The following MTAP variants were observed in gnomAD, a reference collection of about 807,000 sequenced individuals.
MTAP encodes the protein methylthioadenosine phosphorylase.
MTAP carries 33 observed loss-of-function variants against 33.6 expected under a neutral mutation model. That is an observed-to-expected ratio of 0.98 (90% confidence interval 0.74 to 1.31). MTAP has a LOEUF of 1.31. Ranked by LOEUF, MTAP falls within the 40% of genes most tolerant of loss-of-function variation. The pLI, the probability that MTAP is intolerant of heterozygous loss-of-function variation, is 0.00. For missense variants in MTAP, 367 were observed against 360.0 expected, an observed-to-expected ratio of 1.02 and a Z score of -0.16; for synonymous variants, 148 against 125.7, an observed-to-expected ratio of 1.18 and a Z score of -1.19.
chr9:21,832,875 T>A (rs1825008877), intron 4 of MTAP, among the ~76,000 whole-genome samples: 1 of 152,244 alleles, frequency 6.6e-6, no homozygotes, highest in African/African-American at 2.4e-5. Context: ...ATCACAGCTC[T>A]AGAAGACATC....
At chr9:21,939,260 T>C (rs1415046142), downstream of MTAP, among the ~76,000 whole-genome samples, 5 of 152,242 alleles carry the variant, frequency 3.3e-5, no homozygotes. Context: ...GTCTCTGGTA[T>C]GTCTTTATCA....
chr9:21,914,938 C>T (rs1369790076), intron 1 of MTAP, among the ~76,000 whole-genome samples: 1 of 151,454 alleles, frequency 6.6e-6, no homozygotes, highest in Non-Finnish European at 1.5e-5. Context: ...CTGGCTTCTT[C>T]CATCTGACAT....
intron 4 of MTAP, among the ~76,000 whole-genome samples, chr9:21,831,018 T>C (rs536653431): frequency 6.6e-6 from 1 of 152,354 alleles, no homozygotes; most frequent in South Asian, 2.1e-4. Context: ...ATTCAAGTCA[T>C]GAGGCATTTT....
At chr9:21,857,986 T>C (rs1007151935) in intron 6 of MTAP, among the ~76,000 whole-genome samples, 4 of 152,134 alleles carry the variant, frequency 2.6e-5, no homozygotes, top group Non-Finnish European at 4.4e-5. Flanking sequence ...CAGATTCAGG[T>C]GTCTTAAGGT....
chr9:21,864,010 C>T lies in MTAP; in HGVS notation c.*1996C>T, dbSNP rs888117991. On this transcript the variant is annotated 3_prime_UTR_variant, in exon 8 of 8. Coordinates refer to ENST00000644715, the MANE Select transcript of MTAP (RefSeq NM_002451.4). ...ACCCAGGCTTCTCTAGCTCTGGTAA[C>T]GTGTGATTGTTTTCACTACAATATG... The T allele has an allele frequency of 8.1e-6, 8 of 985,650 alleles. No homozygotes were observed. The highest frequency in any genetic ancestry group is 1.1e-4 in the East Asian group (1 of 8,812). The allele number at this position is 985,650 out of a possible 1,614,324, so 61.1% of individuals were successfully genotyped here.
chr9:21,914,420 G>C (rs1053905578), intron 1 of MTAP, among the ~76,000 whole-genome samples: 4 of 152,012 alleles, frequency 2.6e-5, no homozygotes, highest in African/African-American at 4.8e-5. Context: ...AGAAAATGTT[G>C]TACATATACA....
At chr9:21,900,238 C>A (rs1818368707) in intron 1 of MTAP, among the ~76,000 whole-genome samples, 1 of 152,134 alleles carries the variant, frequency 6.6e-6, no homozygotes, top group Non-Finnish European at 1.5e-5. Flanking sequence ...ACAGATTAAA[C>A]AGACAACCTA....
chr9:21,887,931 G>T (rs1818140438), intron 1 of MTAP, among the ~76,000 whole-genome samples: 1 of 152,058 alleles, frequency 6.6e-6, no homozygotes, highest in Non-Finnish European at 1.5e-5. Flanking sequence ...TTCTCAGTTT[G>T]GTCACTGTTG....
intron 1 of MTAP, chr9:21,892,366 T>G (rs1818214271): frequency 6.6e-6 from 1 of 152,026 alleles, no homozygotes; most frequent in South Asian, 2.1e-4. Flanking sequence ...TATGCTATCT[T>G]CAAGATACCC....
rs143790235 is a variant in MTAP, at chr9:21,906,927, A to G, written c.148-24081A>G. ...CATCTCCTGTCAAAGAATGCTTGGC[A>G]GTAATTCAGTAAATTAACAGAATGT... On this transcript the variant is annotated intron_variant, in intron 1 of 1. Transcript: ENST00000577563. Among the ~76,000 whole-genome samples, 438 of 152,358 alleles carry G rather than the reference A, an allele frequency of 2.9e-3. 4 individuals are homozygous for G. Among genetic ancestry groups the G allele is most frequent in the African/African-American group, 9.8e-3 (409 of 41,586 alleles).
rs1323576762 is a variant in MTAP at position 21,837,995 on chromosome 9, C to A, written c.435C>A (p.Cys145Ter). 6.2e-7 allele frequency: 1 copy of A among 1,613,600 alleles called. No homozygotes were observed. The highest frequency in any genetic ancestry group is 8.5e-7 in the Non-Finnish European group (1 of 1,179,616). The change falls in exon 5 of 8, where the codon TGC becomes TGA. Residue 145 changes from cysteine to a stop codon, truncating the protein, a stop_gained. Transcript: ENST00000644715. LOFTEE classifies it high-confidence loss of function. The part of the protein sequence containing the change: ...VCHIPMAEPF[C>*]PKTREVLIET... ...ATATTCCAATGGCTGAGCCGTTTTG[C>A]CCCAAAACGAGAGAGGTGTGTAGTC...
At chr9:21,833,956 T>C (rs1002354712) in intron 4 of MTAP, among the ~76,000 whole-genome samples, 2 of 152,214 alleles carry the variant, frequency 1.3e-5, no homozygotes, top group Non-Finnish European at 2.9e-5. Context: ...TCATTTTTCC[T>C]GCCAGCACAC....
intron 1 of MTAP, 159 bp downstream of exon 1, chr9:21,802,940 G>A (rs1487041945): frequency 4.5e-5 from 64 of 1,411,904 alleles, no homozygotes; most frequent in Non-Finnish European, 5.7e-5. Flanking sequence ...CACTTGCCGC[G>A]CGAGGAGAGG....
intron 7 of MTAP, chr9:21,860,926 A>G (rs1319539563): frequency 6.6e-6 from 1 of 152,138 alleles, no homozygotes; most frequent in Non-Finnish European, 1.5e-5. Context: ...TATTTTTAGT[A>G]GAGACTAAAC....
rs1825769523 is a variant in MTAP at position 21,862,252 on chromosome 9, A to G, written c.*238A>G. On this transcript the variant is annotated 3_prime_UTR_variant, in exon 8 of 8. Transcript: ENST00000644715. ...GTAAACATGTGGGAAAAAATATTAC[A>G]TTTTAAGGGGGAAAAAAAAACCCAC... 1.9e-6 allele frequency: 2 copies of G among 1,043,474 alleles called. No homozygotes were observed. The highest frequency in any genetic ancestry group is 7.1e-5 in the East Asian group (2 of 28,174). The allele number at this position is 1,043,474 out of a possible 1,614,324, so 64.6% of individuals were successfully genotyped here.
intron 1 of MTAP, among the ~76,000 whole-genome samples, chr9:21,805,940 G>A (rs776131292): frequency 2.8e-4 from 43 of 152,156 alleles, no homozygotes; most frequent in Non-Finnish European, 6.2e-4. Context: ...GTAGGAGAGC[G>A]AAAACCAAGA....
At chr9:21,915,055 C>CTTT (rs1491435938) in intron 1 of MTAP, among the ~76,000 whole-genome samples, 25 of 25,886 alleles carry the variant, frequency 9.7e-4, no homozygotes, top group African/African-American at 1.9e-3. Flanking sequence ...TTCCTTCCTT[C>CTTT]CTTTCTTTCT....
In MTAP at chr9:21,835,426, A is replaced by G. The variant is rs117415502; in HGVS notation, c.348-2482A>G. On this transcript the variant is annotated intron_variant, in intron 4 of 7. Transcript: ENST00000644715. ...AAACTATATTTCCTGTGTTTTCTCC[A>G]TGTCACTCAGAAAATTCAGCATGAG... Among the ~76,000 whole-genome samples the G allele has an allele frequency of 3.6e-3, 545 of 152,288 alleles. 2 individuals carry two copies. Among genetic ancestry groups the G allele is most frequent in the Non-Finnish European group, 5.7e-3 (387 of 68,014 alleles).
In MTAP at chr9:21,853,599, C is replaced by A. The variant is rs951533240; in HGVS notation, c.451-1032C>A. On this transcript the variant is annotated intron_variant, in intron 5 of 7. Coordinates refer to ENST00000644715, the MANE Select transcript of MTAP (RefSeq NM_002451.4). ...GATTGGAGACTTTGACTTTGAGTCA[C>A]TCCACTTTATTTATATAGTATCCCA... 2.6e-5 allele frequency among the ~76,000 whole-genome samples: 4 copies of A among 152,188 alleles called. No homozygotes were observed. In the East Asian group the frequency reaches 7.7e-4, roughly 29 times the overall value.
Sources: gnomAD v4.1 joint callset for allele counts (sites outside exome capture counted in the v4.1 genomes callset) on GRCh38, gnomAD v4.1.1 for gene constraint, MANE v1.5 for transcripts, NCBI Gene and HGNC (gene_info 2026-07-23, HGNC 2026-07-21) for gene names.